The following PCM1 variants were observed in gnomAD, a reference collection of about 807,000 sequenced individuals.
PCM1 encodes the protein pericentriolar material 1 protein.
A neutral mutation model predicts 241.9 loss-of-function variants in PCM1; 157 were observed. The ratio of observed to expected loss-of-function variants is 0.65; its 90% CI spans 0.57 to 0.74. The LOEUF is 0.74. PCM1 is among the 30% of genes least tolerant of loss of function. PCM1 has a pLI of 0.00. For missense variants in PCM1, 3,478 were observed against 2,360.1 expected (o/e 1.47, Z -9.81); for synonymous variants, 1,085 against 784.9 (o/e 1.38, Z -6.39).
At chr8:17,925,680 A>C (rs2056655562) in intron 2 of PCM1, 1 of 152,278 alleles carries the variant, frequency 6.6e-6, no homozygotes, top group South Asian at 2.1e-4. Context: ...CTAAAAATAC[A>C]AAAAAGATTA....
Position 17,937,282 on chromosome 8 carries a change from C to G in PCM1, c.245C>G (p.Thr82Arg). The G allele has an allele frequency of 1.2e-6, 2 of 1,609,716 alleles. No individual in the cohort carries two copies. The highest frequency in any genetic ancestry group is 1.7e-6 in the Non-Finnish European group (2 of 1,176,876). Residue 82 changes from threonine to arginine, a missense_variant, in exon 4 of 39, where the codon ACG becomes AGG. Physicochemically the swap from Thr to Arg is moderately conservative, Grantham distance 71. Coordinates refer to ENST00000325083, the MANE Select transcript of PCM1 (RefSeq NM_006197.4). Reference sequence around the variant, plus strand: ...AGGCGAAGAACAAAGACTCCACATACGTTCCCACACAGTAGATACATGAGT... The same window carrying G: ...AGGCGAAGAACAAAGACTCCACATAGGTTCCCACACAGTAGATACATGAGT... ...VGRRRTKTPH[T>R]FPHSRYMSQM... is the part of the protein sequence containing the mutation.
At chr8:17,978,062 C>T (rs952293124) in intron 23 of PCM1, among the ~76,000 whole-genome samples, 1 of 151,884 alleles carries the variant, frequency 6.6e-6, no homozygotes, top group African/African-American at 2.4e-5. Flanking sequence ...ATAATAAGGG[C>T]ACATAAGCAG....
At chr8:17,963,486 GCTTT>G (rs1411902212) in intron 17 of PCM1, among the ~76,000 whole-genome samples, 195 bp downstream of exon 17, 1 of 152,130 alleles carries the variant, frequency 6.6e-6, no homozygotes, top group African/African-American at 2.4e-5. Context: ...CGTAGCATCA[GCTTT>G]CTCTTTTGTC....
chr8:17,957,425 T>A lies in PCM1; in HGVS notation c.1804+4T>A. 6.2e-7 allele frequency: 1 copy of A among 1,611,466 alleles called. No individual in the cohort carries two copies. Among genetic ancestry groups the A allele is most frequent in the Non-Finnish European group, 8.5e-7 (1 of 1,178,068 alleles). ...CTAAACATGCCTCCTTCTTTAGGTA[T>A]GACTGACTGTATTTACATATAATTT... On this transcript the variant is annotated splice_donor_region_variant and intron_variant, in intron 12 of 38. Transcript: ENST00000325083.
At chr8:18,025,754 TG>T (rs751207764) in intron 38 of PCM1, 96 bp downstream of exon 38, 16 of 700,022 alleles carry the variant, frequency 2.3e-5, no homozygotes, top group African/African-American at 5.5e-5. Context: ...ACTACTGACC[TG>T]GGAGATTTAA....
intron 10 of PCM1, 179 bp downstream of exon 10, chr8:17,955,832 G>C (rs1054893774): frequency 1.7e-6 from 1 of 605,284 alleles, no homozygotes; most frequent in African/African-American, 1.9e-5. Flanking sequence ...TTGTCTAAGA[G>C]ATGTGATGTA....
intron 20 of PCM1, 98 bp downstream of exon 20, chr8:17,966,571 C>T: frequency 2.1e-6 from 2 of 947,178 alleles, no homozygotes; most frequent in South Asian, 3.6e-5. Context: ...GACCAAATTG[C>T]ATATTTGGAC....
chr8:17,932,842 A>G (rs1325491184), intron 2 of PCM1, among the ~76,000 whole-genome samples: 1 of 152,170 alleles, frequency 6.6e-6, no homozygotes, highest in African/African-American at 2.4e-5. Flanking sequence ...TTTTGATAGT[A>G]TGATATAAGG....
At position 17,937,292 on chromosome 8, in the gene PCM1, CAGT is replaced by C. The variant is rs1563683093; in HGVS notation, c.258_260del (p.Ser86del). On this transcript the variant is annotated inframe_deletion, in exon 4 of 39. Transcript: ENST00000325083. The stretch of plus-strand genomic sequence containing the variant: ...CAAAGACTCCACATACGTTCCCACA[CAGT>C]AGATACATGAGTCAGATGTCTGTCC... The C allele has an allele frequency of 3.7e-6, 6 of 1,609,368 alleles. No individual in the cohort carries two copies. The highest frequency in any genetic ancestry group is 4.2e-6 in the Non-Finnish European group (5 of 1,176,624).
intron 29 of PCM1, among the ~76,000 whole-genome samples, chr8:17,994,758 TTG>T: frequency 6.8e-6 from 1 of 146,266 alleles, no homozygotes; most frequent in African/African-American, 2.8e-5. Flanking sequence ...TGATTTCTCG[TTG>T]TAGTTTTGAT....
intron 27 of PCM1, 59 bp from the exon 28 acceptor site, chr8:17,991,483 G>C (rs552878401): frequency 2.9e-6 from 4 of 1,398,458 alleles, no homozygotes; most frequent in Middle Eastern, 1.8e-4. Flanking sequence ...TGCATTTTGA[G>C]GAATATATGA....
At chr8:17,934,859 G>A (rs1429007171) in intron 2 of PCM1, 1 of 152,116 alleles carries the variant, frequency 6.6e-6, no homozygotes, top group African/African-American at 2.4e-5. Context: ...TTTGACCCAG[G>A]TAGGAAATTC....
chr8:17,995,097 T>G lies in PCM1; in HGVS notation c.4827+1478T>G, dbSNP rs200402745. 3.3e-5 allele frequency among the ~76,000 whole-genome samples: 5 copies of G among 151,536 alleles called. No homozygotes were observed. The East Asian group carries it at 9.7e-4, about 29-fold the overall frequency. On this transcript the variant is annotated intron_variant, in intron 29 of 38. Coordinates refer to ENST00000325083, the MANE Select transcript of PCM1 (RefSeq NM_006197.4). ...TGTGGGGTATCACTCAAGAAATTTT[T>G]GCCCAGACCAATGTCCTGCAGAGTT...
At chr8:18,011,087 CTTT>C (rs1442171589) in intron 32 of PCM1, 147 bp from the exon 33 acceptor site, 4 of 538,708 alleles carry the variant, frequency 7.4e-6, no homozygotes, top group African/African-American at 5.9e-5. Context: ...TTTCCTGACA[CTTT>C]TTTATTTTAA....
intron 2 of PCM1, among the ~76,000 whole-genome samples, chr8:17,934,091 A>G (rs2129448320): frequency 6.6e-6 from 1 of 152,122 alleles, no homozygotes; most frequent in Middle Eastern, 3.4e-3. Context: ...TAATTTGTTA[A>G]AGTAATATGT....
chr8:18,009,629 A>G lies in PCM1; in HGVS notation c.5045A>G (p.Asn1682Ser), dbSNP rs769543497. ...LLVEISEVLF[N>S]ELAFFKLMQD... ...GTAGAGATATCTGAAGTGTTGTTCA[A>G]TGAATTGGCTTTCTTTAAGCTTATG... is the stretch of plus-strand genomic sequence containing the variant. Residue 1682 changes from asparagine (N) to serine (S), a missense_variant, in exon 31 of 39, where the codon AAT (asparagine) becomes AGT (serine). Coordinates refer to ENST00000325083, the MANE Select transcript of PCM1 (RefSeq NM_006197.4). The G allele has an allele frequency of 5.0e-6, 8 of 1,594,468 alleles. No homozygotes were observed. The highest frequency in any genetic ancestry group is 4.6e-5 in the South Asian group (4 of 86,740).
chr8:17,990,855 C>G (rs1433711792), intron 27 of PCM1, among the ~76,000 whole-genome samples: 1 of 152,050 alleles, frequency 6.6e-6, no homozygotes, highest in Non-Finnish European at 1.5e-5. Context: ...CTTCCTTTTG[C>G]TTATTGTAAT....
At chr8:17,983,535 A>G (rs1211237125) in intron 24 of PCM1, among the ~76,000 whole-genome samples, 1 of 152,176 alleles carries the variant, frequency 6.6e-6, no homozygotes, top group Non-Finnish European at 1.5e-5. Flanking sequence ...TCATAAGGGT[A>G]ACAGAAACCT....
chr8:17,955,444 AT>A, intron 9 of PCM1, 25 bp from the exon 10 acceptor site: 1 of 1,519,376 alleles, frequency 6.6e-7, no homozygotes, highest in Non-Finnish European at 8.8e-7. Flanking sequence ...ATTAAAAAAA[AT>A]TTTTTGTTGT....
Sources: gnomAD v4.1 joint callset for allele counts (sites outside exome capture counted in the v4.1 genomes callset) on GRCh38, gnomAD v4.1.1 for gene constraint, MANE v1.5 for transcripts, NCBI Gene and HGNC (gene_info 2026-07-23, HGNC 2026-07-21) for gene names.